The following ARHGAP15 variants were observed in gnomAD, a reference collection of about 807,000 sequenced individuals.
ARHGAP15 encodes the protein rho GTPase-activating protein 15.
Under a neutral mutation model 63.7 loss-of-function variants are expected in ARHGAP15, and 51 were observed. That is an observed-to-expected ratio of 0.80 (90% CI 0.64 to 1.01). The LOEUF (loss-of-function observed/expected upper bound fraction) is 1.01. ARHGAP15 is among the 50% of genes least tolerant of loss of function. The pLI is 0.00. For synonymous variants in ARHGAP15, 191 were observed against 193.8 expected (o/e 0.99, Z 0.12); for missense variants, 560 against 564.6 (o/e 0.99, Z 0.08).
Position 143,487,387 on chromosome 2 carries a change from C to G in ARHGAP15, c.718C>G (p.His240Asp). Residue 240 changes from histidine (H) to aspartate (D), a missense_variant, in exon 9 of 14, where the codon CAC (histidine) becomes GAC (aspartate). By Grantham distance (81) the His-to-Asp change is moderately conservative. Transcript: ENST00000295095. ...HRKSLMFRLH[H>D]SASDTSDKNR... is the part of the protein sequence containing the mutation. ...TAAATCTTCAGTGTTCAGACTGCAT[C>G]ACAGTGCTTCCGATACAAGCGACAA... The G allele has an allele frequency of 6.2e-7, 1 of 1,613,406 alleles. No individual in the cohort carries two copies. The highest frequency in any genetic ancestry group is 8.5e-7 in the Non-Finnish European group (1 of 1,179,782).
intron 8 of ARHGAP15, among the ~76,000 whole-genome samples, chr2:143,454,146 G>A (rs1041350869): frequency 6.6e-6 from 1 of 152,012 alleles, no homozygotes; most frequent in Non-Finnish European, 1.5e-5. Context: ...GAGAGGCCCT[G>A]AGGACTCGTA....
At chr2:143,247,623 G>A (rs1382524699) in intron 5 of ARHGAP15, among the ~76,000 whole-genome samples, 1 of 152,164 alleles carries the variant, frequency 6.6e-6, no homozygotes, top group East Asian at 1.9e-4. Flanking sequence ...GAGTTTGTAG[G>A]TAATTATACA....
At chr2:143,220,177 G>A (rs1323459215) in intron 4 of ARHGAP15, among the ~76,000 whole-genome samples, 1 of 151,952 alleles carries the variant, frequency 6.6e-6, no homozygotes, top group East Asian at 1.9e-4. Flanking sequence ...TGTATTAGAA[G>A]TTATCATTGC....
intron 13 of ARHGAP15, among the ~76,000 whole-genome samples, chr2:143,760,746 T>C (rs1686734631): frequency 1.3e-5 from 2 of 152,166 alleles, no homozygotes; most frequent in South Asian, 4.1e-4. Flanking sequence ...TACACCTAAC[T>C]TTAAAGCTAA....
At chr2:143,268,254 C>T (rs1440408673) in intron 6 of ARHGAP15, among the ~76,000 whole-genome samples, 1 of 149,426 alleles carries the variant, frequency 6.7e-6, no homozygotes, top group African/African-American at 2.5e-5. Flanking sequence ...TTTAAAACAA[C>T]AAACAAAAAG....
chr2:143,166,001 A>AGAAAGAAAGAAG (rs70982847), intron 2 of ARHGAP15, among the ~76,000 whole-genome samples: 37 of 101,152 alleles, frequency 3.7e-4, no homozygotes, highest in African/African-American at 5.9e-4. Context: ...AAAGAAAGAA[A>AGAAAGAAAGAAG]GAAGGAAGGA....
chr2:143,167,987 A>G (rs1690616314), intron 2 of ARHGAP15, among the ~76,000 whole-genome samples: 1 of 152,140 alleles, frequency 6.6e-6, no homozygotes, highest in Admixed American at 6.6e-5. Context: ...GTGGTAAGTC[A>G]GAAAATAACA....
chr2:143,503,078 C>T (rs907222099), intron 9 of ARHGAP15, among the ~76,000 whole-genome samples: 6 of 152,212 alleles, frequency 3.9e-5, no homozygotes, highest in Non-Finnish European at 5.9e-5. Context: ...CTGGGGAAAG[C>T]GTTAGCCTTT....
At chr2:143,148,079 A>T (rs1180262560) in intron 1 of ARHGAP15, among the ~76,000 whole-genome samples, 1 of 152,018 alleles carries the variant, frequency 6.6e-6, no homozygotes, top group African/African-American at 2.4e-5. Flanking sequence ...TTAATCAACC[A>T]TAGCTTTCCC....
chr2:143,616,497 C>A (rs1245379198), intron 11 of ARHGAP15, among the ~76,000 whole-genome samples: 1 of 152,118 alleles, frequency 6.6e-6, no homozygotes, highest in Non-Finnish European at 1.5e-5. Flanking sequence ...CAAAGATATG[C>A]ACAAAACCTC....
At chr2:143,666,027 CA>C (rs1309308463) in intron 12 of ARHGAP15, among the ~76,000 whole-genome samples, 1 of 151,078 alleles carries the variant, frequency 6.6e-6, no homozygotes, top group African/African-American at 2.4e-5. Flanking sequence ...CCAACCCCAT[CA>C]AGCTACCAAT....
chr2:143,381,151 G>A (rs1030845498), intron 6 of ARHGAP15, among the ~76,000 whole-genome samples: 2 of 152,124 alleles, frequency 1.3e-5, no homozygotes, highest in East Asian at 1.9e-4. Flanking sequence ...AAGTCTAGTC[G>A]AGTGAAGTCT....
intron 1 of ARHGAP15, among the ~76,000 whole-genome samples, chr2:143,141,983 A>T (rs2104990102): frequency 6.6e-6 from 1 of 152,150 alleles, no homozygotes; most frequent in East Asian, 1.9e-4. Context: ...TGTCTATAGG[A>T]TGTAGAAGCT....
At chr2:143,729,290 A>G (rs1559148927) in intron 13 of ARHGAP15, among the ~76,000 whole-genome samples, 1 of 152,224 alleles carries the variant, frequency 6.6e-6, no homozygotes, top group Non-Finnish European at 1.5e-5. Context: ...TAAAAGGATT[A>G]TTAAGCAATG....
intron 9 of ARHGAP15, among the ~76,000 whole-genome samples, chr2:143,509,069 A>C (rs1693455228): frequency 6.6e-6 from 1 of 152,204 alleles, no homozygotes; most frequent in African/African-American, 2.4e-5. Context: ...CTAAATGTCC[A>C]GCTTCATTTG....
intron 6 of ARHGAP15, among the ~76,000 whole-genome samples, chr2:143,285,207 T>C (rs1421724908): frequency 6.6e-6 from 1 of 152,158 alleles, no homozygotes; most frequent in Non-Finnish European, 1.5e-5. Context: ...GGATTTTTAC[T>C]TGTAAACCCA....
At chr2:143,172,345 G>A (rs141305572) in intron 2 of ARHGAP15, among the ~76,000 whole-genome samples, 87 of 152,192 alleles carry the variant, frequency 5.7e-4, no homozygotes, top group African/African-American at 2.1e-3. Flanking sequence ...GGGCTTTGCA[G>A]TCGACTACAA....
At chr2:143,250,636 CTCT>C (rs1680109984) in intron 6 of ARHGAP15, 36 bp downstream of exon 6, 1 of 1,537,848 alleles carries the variant, frequency 6.5e-7, no homozygotes, top group South Asian at 1.1e-5. Context: ...TATTCCTATT[CTCT>C]CTAAATCTGA....
chr2:143,766,706 G>A (rs1430989612), intron 13 of ARHGAP15: 1 of 152,176 alleles, frequency 6.6e-6, no homozygotes, highest in Non-Finnish European at 1.5e-5. Context: ...TGCATGATGA[G>A]TGCTGAGTTA....
Sources: allele counts gnomAD v4.1 joint callset (sites outside exome capture counted in the v4.1 genomes callset), GRCh38; gene constraint gnomAD v4.1.1; transcripts MANE v1.5; gene names NCBI Gene and HGNC (gene_info 2026-07-23, HGNC 2026-07-21).